The following DGKI variants were observed in gnomAD, a reference collection of about 807,000 sequenced individuals.
The protein encoded by DGKI is DAG kinase iota.
Under a neutral mutation model 147.5 loss-of-function variants are expected in DGKI, and 55 were observed. That is an observed-to-expected ratio of 0.37 (90% confidence interval 0.30 to 0.47). DGKI has a LOEUF of 0.47. DGKI is among the 20% of genes least tolerant of loss of function. The pLI, the probability that DGKI is intolerant of heterozygous loss-of-function variation, is 1.00. For missense variants in DGKI, 1,007 were observed against 1,323.8 expected, an observed-to-expected ratio of 0.76 and a Z score of 3.71; for synonymous variants, 469 against 477.1, an observed-to-expected ratio of 0.98 and a Z score of 0.22.
At chr7:137,413,297 AT>A (rs1357109382) in intron 28 of DGKI, among the ~76,000 whole-genome samples, 2 of 147,696 alleles carry the variant, frequency 1.4e-5, no homozygotes, top group Non-Finnish European at 3.0e-5. Flanking sequence ...ATTCATTTTT[AT>A]TTTAGATTCA....
chr7:137,788,515 T>C (rs1019778881), intron 1 of DGKI, among the ~76,000 whole-genome samples: 1 of 152,078 alleles, frequency 6.6e-6, no homozygotes, highest in African/African-American at 2.4e-5. Context: ...ACTGTTCTTC[T>C]ACCAATCATC....
intron 5 of DGKI, among the ~76,000 whole-genome samples, chr7:137,651,757 C>T (rs958771666): frequency 1.3e-5 from 2 of 151,820 alleles, no homozygotes; most frequent in Non-Finnish European, 2.9e-5. Flanking sequence ...ATAGGAAGGG[C>T]CATCTGATGA....
chr7:137,469,378 C>A (rs1044951030), intron 24 of DGKI, among the ~76,000 whole-genome samples, 172 bp downstream of exon 24: 20 of 152,184 alleles, frequency 1.3e-4, no homozygotes, highest in African/African-American at 3.9e-4. Flanking sequence ...CAGGAAAGGA[C>A]AGTGCAATAT....
At chr7:137,478,117 A>G (rs1440990493) in intron 23 of DGKI, among the ~76,000 whole-genome samples, 1 of 152,208 alleles carries the variant, frequency 6.6e-6, no homozygotes, top group African/African-American at 2.4e-5. Context: ...TACGTACAAT[A>G]TCAAAACTGA....
chr7:137,644,840 C>T (rs1821769558), intron 6 of DGKI, among the ~76,000 whole-genome samples: 1 of 152,154 alleles, frequency 6.6e-6, no homozygotes, highest in Non-Finnish European at 1.5e-5. Context: ...TAACCCAAAT[C>T]TGTTGGGGTC....
At chr7:137,499,641 G>A (rs933826333) in intron 21 of DGKI, among the ~76,000 whole-genome samples, 2 of 152,102 alleles carry the variant, frequency 1.3e-5, no homozygotes, top group Non-Finnish European at 2.9e-5. Flanking sequence ...ACTTACACCA[G>A]TGATACCCAC....
rs566090322 is a variant in DGKI at position 137,389,278 on chromosome 7, G to A, written c.*1942C>T. 10 of 152,230 alleles carry A rather than the reference G, an allele frequency of 6.6e-5. No homozygotes were observed. The highest frequency in any genetic ancestry group is 1.3e-4 in the Non-Finnish European group (9 of 68,018). The allele number at this position is 152,230 out of a possible 1,614,324, so 9.4% of individuals were successfully genotyped here. The stretch of plus-strand genomic sequence containing the variant: ...AAAGGATAGTTCCATTTCTGAGGCT[G>A]ATATATGGAAGTAGATTACTCACAA... On this transcript the variant is annotated 3_prime_UTR_variant, in exon 33 of 33. Coordinates refer to ENST00000614521, the MANE Select transcript of DGKI (RefSeq NM_001321708.2).
intron 21 of DGKI, among the ~76,000 whole-genome samples, chr7:137,492,266 C>T (rs551161964): frequency 6.6e-6 from 1 of 152,060 alleles, no homozygotes; most frequent in African/African-American, 2.4e-5. Context: ...AGCCAAAGAT[C>T]AAAATAAACA....
At chr7:137,606,362 A>G (rs1820185545) in intron 10 of DGKI, among the ~76,000 whole-genome samples, 1 of 152,206 alleles carries the variant, frequency 6.6e-6, no homozygotes, top group South Asian at 2.1e-4. Flanking sequence ...AGACAGAAGG[A>G]GATAGGAATC....
intron 1 of DGKI, among the ~76,000 whole-genome samples, chr7:137,782,986 T>C (rs1404445321): frequency 6.6e-6 from 1 of 152,178 alleles, no homozygotes; most frequent in Non-Finnish European, 1.5e-5. Flanking sequence ...ACAGCAGCGC[T>C]TGAAGCCCAG....
Position 137,846,161 on chromosome 7 carries a change from T to TCTCTCTCTCACACA in DGKI, c.401+300_401+301insTGTGTGAGAGAGAG, listed in dbSNP as rs781580130. On this transcript the variant is annotated intron_variant, in intron 1 of 32. Transcript: ENST00000614521. The surrounding 1 kb of genome is among the most constrained non-coding windows in gnomAD (Gnocchi z 4.0). ...CTCTCTCTCTCTCTCTCTCTCTCTC[T>TCTCTCTCTCACACA]CACACACACACACACACACACACAC... Among the ~76,000 whole-genome samples, 83 of 108,206 alleles carry TCTCTCTCTCACACA rather than the reference T, an allele frequency of 7.7e-4. No individual in the cohort carries two copies. The highest frequency in any genetic ancestry group is 3.4e-3 in the East Asian group (12 of 3,568). The allele number at this position is 108,206 out of a possible 152,430, so 71.0% of individuals were successfully genotyped here.
chr7:137,444,269 C>T (rs1813625735), intron 27 of DGKI, among the ~76,000 whole-genome samples, 167 bp from the exon 28 acceptor site: 1 of 151,970 alleles, frequency 6.6e-6, no homozygotes, highest in Non-Finnish European at 1.5e-5. Context: ...TCAACAATTC[C>T]CAACTCTTAC....
intron 27 of DGKI, among the ~76,000 whole-genome samples, chr7:137,451,185 A>C (rs1813939269): frequency 1.5e-5 from 2 of 130,446 alleles, no homozygotes; most frequent in African/African-American, 5.2e-5. Flanking sequence ...GCTTCAGACA[A>C]GTCTCCAGGT....
intron 28 of DGKI, among the ~76,000 whole-genome samples, chr7:137,432,035 T>A (rs1813095877): frequency 6.6e-6 from 1 of 152,190 alleles, no homozygotes; most frequent in Non-Finnish European, 1.5e-5. Flanking sequence ...TCACGAGATC[T>A]GGTTGTTTAA....
intron 21 of DGKI, among the ~76,000 whole-genome samples, chr7:137,509,041 G>A (rs1349513993): frequency 6.6e-6 from 1 of 152,058 alleles, no homozygotes; most frequent in Non-Finnish European, 1.5e-5. Context: ...CCTAAGGGAG[G>A]ATGTAAACAC....
At chr7:137,561,674 C>T (rs1424055848) in intron 19 of DGKI, among the ~76,000 whole-genome samples, 1 of 151,880 alleles carries the variant, frequency 6.6e-6, no homozygotes, top group South Asian at 2.1e-4. Flanking sequence ...ATTATGTATT[C>T]CATCAATATG....
At chr7:137,589,967 C>T (rs1037355012) in intron 12 of DGKI, among the ~76,000 whole-genome samples, 8 of 151,200 alleles carry the variant, frequency 5.3e-5, no homozygotes, top group East Asian at 1.9e-4. Context: ...AAAGAAAATG[C>T]TATGAGTTTA....
chr7:137,831,353 G>A (rs916813645), intron 1 of DGKI, among the ~76,000 whole-genome samples: 115 of 152,324 alleles, frequency 7.5e-4, no homozygotes, highest in African/African-American at 2.6e-3. Flanking sequence ...ACCCAGGACT[G>A]GGAAGAAAAA....
chr7:137,528,979 A>G (rs1817244824), intron 20 of DGKI, among the ~76,000 whole-genome samples: 1 of 152,144 alleles, frequency 6.6e-6, no homozygotes. Flanking sequence ...GCAAACATTA[A>G]CCACCAAAGC....
Sources: allele counts gnomAD v4.1 joint callset (sites outside exome capture counted in the v4.1 genomes callset), GRCh38; gene constraint gnomAD v4.1.1; non-coding constraint Gnocchi (gnomAD v3.1); transcripts MANE v1.5; gene names NCBI Gene and HGNC (gene_info 2026-07-23, HGNC 2026-07-21).